The following PPIP5K1 variants were observed in gnomAD, a reference collection of about 807,000 sequenced individuals.
The protein encoded by PPIP5K1 is inositol hexakisphosphate and diphosphoinositol-pentakisphosphate kinase 1.
Under a neutral mutation model 27.7 loss-of-function variants are expected in PPIP5K1, and 6 were observed. The ratio of observed to expected loss-of-function variants is 0.22; its 90% CI spans 0.12 to 0.43. The LOEUF (loss-of-function observed/expected upper bound fraction) is 0.43. Among genes scored for constraint, PPIP5K1 ranks in the 20% least tolerant of loss-of-function variants. The pLI, the probability that PPIP5K1 is intolerant of heterozygous loss-of-function variation, is 1.00. For synonymous variants in PPIP5K1, 145 were observed against 242.6 expected (o/e 0.60, Z 3.74); for missense variants, 394 against 635.4 (o/e 0.62, Z 4.08).
intron 30 of PPIP5K1, among the ~76,000 whole-genome samples, chr15:43,541,315 G>A (rs918122568): frequency 6.6e-6 from 1 of 152,060 alleles, no homozygotes; most frequent in Non-Finnish European, 1.5e-5. Context: ...CTTTTACCAT[G>A]CTGCCTAGGC....
rs1367256729 is a variant in PPIP5K1, at chr15:43,533,867, G to A, written c.*807C>T. On this transcript the variant is annotated 3_prime_UTR_variant, in exon 32 of 32. Transcript: ENST00000420765. ...ACAGACTGGCTAAGAATCCTCTAGA[G>A]CATTTTAAGTAGTTGCTCTGAATTT... The A allele has an allele frequency of 6.6e-6, 1 of 152,140 alleles. No individual in the cohort carries two copies. The highest frequency in any genetic ancestry group is 1.5e-5 in the Non-Finnish European group (1 of 68,046). 9.4% of individuals were successfully genotyped at this position (152,140 alleles called of 1,614,324 possible).
intron 30 of PPIP5K1, among the ~76,000 whole-genome samples, chr15:43,541,574 A>C (rs1196416436): frequency 4.6e-5 from 7 of 152,056 alleles, no homozygotes; most frequent in Non-Finnish European, 1.0e-4. Flanking sequence ...AAAACTAGCC[A>C]GGCGTGGTGG....
chr15:43,554,614 C>T (rs902479800), intron 30 of PPIP5K1, among the ~76,000 whole-genome samples: 1 of 141,524 alleles, frequency 7.1e-6, no homozygotes, highest in African/African-American at 2.8e-5. Context: ...TATAAGACAC[C>T]TGGCATACAC....
At chr15:43,558,765 A>G in intron 30 of PPIP5K1, 30 bp downstream of exon 30, 1 of 1,611,774 alleles carries the variant, frequency 6.2e-7, no homozygotes, top group Non-Finnish European at 8.5e-7. Context: ...GGGGGCAGAG[A>G]GAAGGGTAAA....
intron 30 of PPIP5K1, among the ~76,000 whole-genome samples, chr15:43,554,763 T>G (rs2140988126): frequency 6.6e-6 from 1 of 152,188 alleles, no homozygotes; most frequent in South Asian, 2.1e-4. Flanking sequence ...GTCTGTCTTA[T>G]TAGACTTTTC....
At chr15:43,555,334 G>T (rs924083295) in intron 30 of PPIP5K1, among the ~76,000 whole-genome samples, 8 of 151,114 alleles carry the variant, frequency 5.3e-5, no homozygotes, top group Admixed American at 3.9e-4. Context: ...GGAGTGTGGT[G>T]GCACAATCTC....
chr15:43,537,812 G>A (rs986819553), intron 31 of PPIP5K1, among the ~76,000 whole-genome samples: 10 of 149,758 alleles, frequency 6.7e-5, no homozygotes, highest in East Asian at 1.9e-4. Flanking sequence ...TAAAGAAGAC[G>A]TTTACCAGTG....
chr15:43,558,987 C>T, intron 29 of PPIP5K1, 55 bp from the exon 30 acceptor site: 1 of 1,605,036 alleles, frequency 6.2e-7, no homozygotes, highest in Non-Finnish European at 8.5e-7. Flanking sequence ...TATACCCCAA[C>T]TGGCCAAGGA....
rs148484985 is a variant in PPIP5K1, at chr15:43,535,314, C to G, written c.3833G>C (p.Gly1278Ala). The part of the protein sequence containing the change: ...LGLLQETPGS[G>A]AQELSIEGEQ... ...CCCTTCTATGGAGAGCTCTTGTGCT[C>G]CACTCCCAGGGGTCTCCTGGAGCAG... The change falls in exon 32 of 32, where the codon GGA (glycine) becomes GCA (alanine). Residue 1278 changes from glycine to alanine, a missense_variant. By Grantham distance (60) the Gly-to-Ala change is moderately conservative. Transcript: ENST00000420765. 4.0e-5 allele frequency: 64 copies of G among 1,614,188 alleles called. No individual in the cohort carries two copies. In the African/African-American group the frequency reaches 6.1e-4, roughly 15 times the overall value.
intron 30 of PPIP5K1, among the ~76,000 whole-genome samples, chr15:43,542,638 T>C (rs2080891768): frequency 6.7e-6 from 1 of 149,082 alleles, no homozygotes. Flanking sequence ...ATTTTTATTA[T>C]ATATATTCAG....
chr15:43,545,864 A>C (rs2081308968), intron 30 of PPIP5K1, among the ~76,000 whole-genome samples: 1 of 152,134 alleles, frequency 6.6e-6, no homozygotes, highest in African/African-American at 2.4e-5. Context: ...GTGCTGTGCA[A>C]CCACCACCTC....
chr15:43,546,206 T>C (rs919010703), intron 30 of PPIP5K1, among the ~76,000 whole-genome samples: 3 of 152,246 alleles, frequency 2.0e-5, no homozygotes, highest in Admixed American at 6.5e-5. Flanking sequence ...CATTTTAATA[T>C]GTATCGGTAC....
At chr15:43,550,455 C>G (rs1279295076) in intron 30 of PPIP5K1, among the ~76,000 whole-genome samples, 1 of 152,142 alleles carries the variant, frequency 6.6e-6, no homozygotes, top group Admixed American at 6.6e-5. Context: ...CTGAGTTCAT[C>G]CTGTAACCTG....
chr15:43,559,502 A>G (rs1306960740), intron 29 of PPIP5K1, among the ~76,000 whole-genome samples: 1 of 152,206 alleles, frequency 6.6e-6, no homozygotes, highest in East Asian at 1.9e-4. Flanking sequence ...CAGCCCAGGA[A>G]AACCACATGC....
At chr15:43,557,191 A>G (rs1320628722) in intron 30 of PPIP5K1, among the ~76,000 whole-genome samples, 1 of 152,156 alleles carries the variant, frequency 6.6e-6, no homozygotes, top group East Asian at 1.9e-4. Context: ...CACACCTGTA[A>G]TCCCAGCACT....
intron 29 of PPIP5K1, among the ~76,000 whole-genome samples, chr15:43,559,574 T>C (rs2083510717): frequency 6.6e-6 from 1 of 152,216 alleles, no homozygotes; most frequent in Admixed American, 6.5e-5. Flanking sequence ...AGCTTCACTC[T>C]TCTGATCTAC....
Position 43,535,282 on chromosome 15 carries a change from C to G in PPIP5K1, c.3865G>C (p.Glu1289Gln), listed in dbSNP as rs1443722849. Reference protein sequence around the residue: ...AQELSIEGEQELFEPNQSPQV... With the variant: ...AQELSIEGEQQLFEPNQSPQV... The stretch of plus-strand genomic sequence containing the variant: ...GGGGACTGATTTGGTTCAAAAAGCT[C>G]TTGCTCCCCTTCTATGGAGAGCTCT... The change falls in exon 32 of 32, where the codon GAG (glutamate) becomes CAG (glutamine). Residue 1289 changes from glutamate to glutamine, a missense_variant. Coordinates refer to ENST00000420765, the MANE Select transcript of PPIP5K1 (RefSeq NM_001394395.1). The G allele has an allele frequency of 6.2e-7, 1 of 1,614,086 alleles. No homozygotes were observed. The highest frequency in any genetic ancestry group is 8.5e-7 in the Non-Finnish European group (1 of 1,180,044).
At chr15:43,547,458 C>T (rs143754557) in intron 30 of PPIP5K1, among the ~76,000 whole-genome samples, 36 of 152,300 alleles carry the variant, frequency 2.4e-4, no homozygotes, top group East Asian at 1.7e-3. Flanking sequence ...ATTTACTCTA[C>T]GACTTCTTCT....
At position 43,535,225 on chromosome 15, in the gene PPIP5K1, A is replaced by G. The variant is rs1469808339; in HGVS notation, c.3922T>C (p.Tyr1308His). The G allele has an allele frequency of 1.2e-6, 2 of 1,613,928 alleles. No homozygotes were observed. Among genetic ancestry groups the G allele is most frequent in the South Asian group, 1.1e-5 (1 of 91,074 alleles). ...QVPPMETSQP[Y>H]EEVSQPCQEV... ...TGACATGGCTGGCTGACCTCCTCGTATGGCTGGCTGGTTTCCATAGGTGGC... is the reference window on the plus strand; with the variant it reads ...TGACATGGCTGGCTGACCTCCTCGTGTGGCTGGCTGGTTTCCATAGGTGGC... The change falls in exon 32 of 32, where the codon TAC (tyrosine) becomes CAC (histidine). Residue 1308 changes from tyrosine to histidine, a missense_variant. This residue lies in a region of PPIP5K1 where 379 missense variants were observed against 423.9 expected (regional missense o/e 0.89). Coordinates refer to ENST00000420765, the MANE Select transcript of PPIP5K1 (RefSeq NM_001394395.1).
Sources: gnomAD v4.1 joint callset for allele counts (sites outside exome capture counted in the v4.1 genomes callset) on GRCh38, gnomAD v4.1.1 for gene constraint, gnomAD v4.1.1 regional missense constraint, MANE v1.5 for transcripts, NCBI Gene and HGNC (gene_info 2026-07-23, HGNC 2026-07-21) for gene names.